The following KATNAL1 variants were observed in gnomAD, a reference collection of about 807,000 sequenced individuals.
KATNAL1 encodes katanin p60 ATPase-containing subunit A-like 1.
A neutral mutation model predicts 55.2 loss-of-function variants in KATNAL1; 32 were observed. That is an observed-to-expected ratio of 0.58 (90% CI 0.44 to 0.78). The LOEUF (loss-of-function observed/expected upper bound fraction) is 0.78, where lower values mean the gene tolerates loss of function less well. Among genes scored for constraint, KATNAL1 ranks in the 30% least tolerant of loss-of-function variants. KATNAL1 has a pLI of 0.00. For synonymous variants in KATNAL1, 193 were observed against 193.6 expected (o/e 1.00, Z 0.02); for missense variants, 466 against 600.9 (o/e 0.78, Z 2.35).
intron 1 of KATNAL1, chr13:30,307,001 G>C (rs1408951658): frequency 8.6e-6 from 1 of 115,976 alleles, no homozygotes; most frequent in Non-Finnish European, 1.8e-5. Flanking sequence ...GCCCCCTCAA[G>C]ACAAAGAGAG....
intron 1 of KATNAL1, among the ~76,000 whole-genome samples, chr13:30,297,720 A>G (rs967143076): frequency 5.9e-5 from 9 of 152,222 alleles, no homozygotes; most frequent in Admixed American, 5.2e-4. Context: ...TTGCAGCAAC[A>G]TGGATGTAGC....
At chr13:30,291,892 G>T (rs866719838) in intron 1 of KATNAL1, among the ~76,000 whole-genome samples, 1 of 151,980 alleles carries the variant, frequency 6.6e-6, no homozygotes, top group South Asian at 2.1e-4. Context: ...AAAACTAGCC[G>T]GGTGCGGTGG....
chr13:30,218,640 C>T (rs1566087223), intron 9 of KATNAL1, among the ~76,000 whole-genome samples: 1 of 152,258 alleles, frequency 6.6e-6, no homozygotes, highest in East Asian at 1.9e-4. Flanking sequence ...CATTACATAA[C>T]CTCCAAGGGT....
intron 1 of KATNAL1, chr13:30,306,661 AAAAC>A (rs1883196915): frequency 6.6e-6 from 1 of 152,232 alleles, no homozygotes; most frequent in African/African-American, 2.4e-5. Flanking sequence ...GAGCTACTTT[AAAAC>A]AAACATGACT....
intron 7 of KATNAL1, 80 bp from the exon 8 acceptor site, chr13:30,230,674 T>C: frequency 9.1e-7 from 1 of 1,096,870 alleles, no homozygotes. Context: ...TTTAAAACAA[T>C]GGCAAAAGAG....
intron 1 of KATNAL1, among the ~76,000 whole-genome samples, chr13:30,284,828 A>G (rs1881668435): frequency 6.6e-6 from 1 of 152,224 alleles, no homozygotes; most frequent in East Asian, 1.9e-4. Context: ...CAGGCTTTCC[A>G]AAAGTCTCCT....
intron 9 of KATNAL1, among the ~76,000 whole-genome samples, chr13:30,211,484 G>A (rs1315248327): frequency 2.0e-5 from 3 of 152,178 alleles, no homozygotes; most frequent in Non-Finnish European, 4.4e-5. Flanking sequence ...TCAAAGCAAA[G>A]TTTCCCTATT....
chr13:30,268,128 A>G (rs375433752), intron 3 of KATNAL1, among the ~76,000 whole-genome samples: 9 of 151,244 alleles, frequency 6.0e-5, no homozygotes, highest in African/African-American at 2.2e-4. Flanking sequence ...CACTACCTTA[A>G]GCAGAGAAAG....
At chr13:30,233,169 C>G (rs1876274496) in intron 6 of KATNAL1, among the ~76,000 whole-genome samples, 1 of 151,912 alleles carries the variant, frequency 6.6e-6, no homozygotes, top group Admixed American at 6.6e-5. Flanking sequence ...AACAAAGAGA[C>G]ACCCCCACAA....
intron 6 of KATNAL1, among the ~76,000 whole-genome samples, chr13:30,240,024 A>C (rs78314719): frequency 0.01 from 1,537 of 152,286 alleles, 23 homozygotes; most frequent in African/African-American, 0.034. Context: ...ACCTCTTTTT[A>C]GAAAAAACAT....
chr13:30,303,405 T>C (rs935160355), intron 1 of KATNAL1, among the ~76,000 whole-genome samples: 2 of 152,240 alleles, frequency 1.3e-5, no homozygotes, highest in South Asian at 2.1e-4. Flanking sequence ...GAGAAAAATG[T>C]TTAAAATAAT....
At chr13:30,227,113 ACT>A (rs71093031) in intron 9 of KATNAL1, among the ~76,000 whole-genome samples, 7 of 151,224 alleles carry the variant, frequency 4.6e-5, no homozygotes, top group Non-Finnish European at 7.4e-5. Flanking sequence ...ACACACACAC[ACT>A]CTCTCTCTCT....
chr13:30,296,314 T>G, intron 1 of KATNAL1: 1 of 1,182,244 alleles, frequency 8.5e-7, no homozygotes, highest in Non-Finnish European at 1.2e-6. Flanking sequence ...CGGAGATCAC[T>G]GCAGTCAGCA....
At chr13:30,264,317 C>G (rs1167501679) in intron 3 of KATNAL1, among the ~76,000 whole-genome samples, 2 of 139,020 alleles carry the variant, frequency 1.4e-5, no homozygotes, top group Admixed American at 7.4e-5. Context: ...TAGGCATGGG[C>G]AAGGACTTCA....
chr13:30,276,513 T>C (rs1042157184), intron 3 of KATNAL1, among the ~76,000 whole-genome samples: 1 of 128,000 alleles, frequency 7.8e-6, no homozygotes, highest in Non-Finnish European at 1.7e-5. Flanking sequence ...AGGTGAGAGA[T>C]GGCAAAAAAA....
chr13:30,239,372 T>C (rs183034125), intron 6 of KATNAL1, among the ~76,000 whole-genome samples: 109 of 152,234 alleles, frequency 7.2e-4, no homozygotes, highest in African/African-American at 2.5e-3. Flanking sequence ...ATCATGCCAC[T>C]GCACACCAGC....
chr13:30,211,128 G>A (rs1873651241), intron 9 of KATNAL1, among the ~76,000 whole-genome samples: 1 of 152,096 alleles, frequency 6.6e-6, no homozygotes. Flanking sequence ...CTAAGATAAT[G>A]CATTACTAGT....
chr13:30,212,401 C>T (rs1314307272), intron 9 of KATNAL1, among the ~76,000 whole-genome samples: 1 of 152,182 alleles, frequency 6.6e-6, no homozygotes, highest in East Asian at 1.9e-4. Flanking sequence ...GCACAGTGGC[C>T]GGACCCTGGT....
chr13:30,251,481 A>T (rs1311080431), intron 4 of KATNAL1, among the ~76,000 whole-genome samples: 1 of 152,182 alleles, frequency 6.6e-6, no homozygotes, highest in African/African-American at 2.4e-5. Flanking sequence ...TGCCCTAATA[A>T]AAGATTCCCA....
Sources: allele counts gnomAD v4.1 joint callset (sites outside exome capture counted in the v4.1 genomes callset), GRCh38; gene constraint gnomAD v4.1.1; transcripts MANE v1.5; gene names NCBI Gene and HGNC (gene_info 2026-07-23, HGNC 2026-07-21).